The following LRRTM4 variants were observed in gnomAD, a reference collection of about 807,000 sequenced individuals.
LRRTM4 encodes leucine rich repeat transmembrane neuronal 4.
Under a neutral mutation model 47.6 loss-of-function variants are expected in LRRTM4, and 25 were observed. The observed-to-expected ratio is 0.53, with a 90% CI of 0.38 to 0.73. LRRTM4 has a LOEUF of 0.73. LRRTM4 is among the 30% of genes least tolerant of loss of function. The pLI, the probability that LRRTM4 is intolerant of heterozygous loss-of-function variation, is 0.00. For synonymous variants in LRRTM4, 311 were observed against 269.5 expected, an observed-to-expected ratio of 1.15 and a Z score of -1.51; for missense variants, 638 against 713.4, an observed-to-expected ratio of 0.89 and a Z score of 1.20.
intron 3 of LRRTM4, among the ~76,000 whole-genome samples, chr2:77,158,624 T>A (rs1211340368): frequency 6.6e-6 from 1 of 152,124 alleles, no homozygotes; most frequent in Non-Finnish European, 1.5e-5. Context: ...TATAGTCTGA[T>A]AAATTTTGCT....
chr2:77,108,737 C>T (rs532821351), intron 3 of LRRTM4, among the ~76,000 whole-genome samples: 21 of 151,792 alleles, frequency 1.4e-4, no homozygotes, highest in Non-Finnish European at 2.8e-4. Flanking sequence ...GCGCCCGCCA[C>T]CACGCCCGGC....
At chr2:77,131,028 G>T (rs1267589200) in intron 3 of LRRTM4, among the ~76,000 whole-genome samples, 14 of 145,870 alleles carry the variant, frequency 9.6e-5, no homozygotes, top group Non-Finnish European at 1.2e-4. Context: ...TAGAGACGGG[G>T]TTTCACCGTT....
intron 3 of LRRTM4, among the ~76,000 whole-genome samples, chr2:77,082,478 TCTG>T (rs542939149): frequency 9.2e-5 from 14 of 152,226 alleles, no homozygotes; most frequent in African/African-American, 2.6e-4. Context: ...TTGTACAACT[TCTG>T]CTGTTGAGGA....
intron 3 of LRRTM4, among the ~76,000 whole-genome samples, chr2:77,489,842 G>C (rs1678068324): frequency 6.6e-6 from 1 of 152,220 alleles, no homozygotes; most frequent in African/African-American, 2.4e-5. Flanking sequence ...GGAGAACTTT[G>C]TGTCTAAAAG....
chr2:76,806,742 T>C (rs891412031), intron 3 of LRRTM4, among the ~76,000 whole-genome samples: 1 of 152,090 alleles, frequency 6.6e-6, no homozygotes, highest in African/African-American at 2.4e-5. Flanking sequence ...TGATAAGATA[T>C]TGTAAAAATT....
chr2:76,941,482 A>C (rs997808037), intron 3 of LRRTM4, among the ~76,000 whole-genome samples: 12 of 150,284 alleles, frequency 8.0e-5, no homozygotes, highest in Admixed American at 4.0e-4. Context: ...ATCCCCCAAC[A>C]ACCCCCAGTA....
intron 3 of LRRTM4, among the ~76,000 whole-genome samples, chr2:76,956,257 C>A (rs963177473): frequency 6.6e-6 from 1 of 151,400 alleles, no homozygotes; most frequent in African/African-American, 2.4e-5. Context: ...CTTCTCTGAC[C>A]ACAGTGGAAG....
chr2:77,007,976 T>C (rs1359459980), intron 3 of LRRTM4, among the ~76,000 whole-genome samples: 1 of 152,210 alleles, frequency 6.6e-6, no homozygotes, highest in Admixed American at 6.5e-5. Flanking sequence ...ACACTTTTAC[T>C]GTGTTCCAGA....
At chr2:77,242,533 T>C (rs1675298472) in intron 3 of LRRTM4, among the ~76,000 whole-genome samples, 1 of 151,968 alleles carries the variant, frequency 6.6e-6, no homozygotes, top group Admixed American at 6.6e-5. Context: ...CTAAAATACA[T>C]ACAAATGACC....
At chr2:77,281,652 T>TA (rs1414551318) in intron 3 of LRRTM4, among the ~76,000 whole-genome samples, 1 of 151,354 alleles carries the variant, frequency 6.6e-6, no homozygotes, top group East Asian at 1.9e-4. Flanking sequence ...TTCTCAGTAT[T>TA]AAAAAAAATG....
At chr2:76,951,325 G>T (rs1675485514) in intron 3 of LRRTM4, among the ~76,000 whole-genome samples, 1 of 151,902 alleles carries the variant, frequency 6.6e-6, no homozygotes, top group African/African-American at 2.4e-5. Flanking sequence ...TATTCTTAAG[G>T]ATGGCTTCTC....
intron 3 of LRRTM4, among the ~76,000 whole-genome samples, chr2:77,056,397 T>A (rs1679610745): frequency 6.6e-6 from 1 of 152,062 alleles, no homozygotes; most frequent in Admixed American, 6.6e-5. Context: ...AATGAAATAA[T>A]CATAATGTGA....
chr2:77,255,979 AT>A (rs1675753802), intron 3 of LRRTM4, among the ~76,000 whole-genome samples: 1 of 152,088 alleles, frequency 6.6e-6, no homozygotes, highest in Admixed American at 6.6e-5. Flanking sequence ...ATGTAACAAA[AT>A]TTGGTTCTTT....
chr2:77,136,496 C>A (rs1343595907), intron 3 of LRRTM4, among the ~76,000 whole-genome samples: 2 of 152,090 alleles, frequency 1.3e-5, no homozygotes, highest in Admixed American at 6.6e-5. Flanking sequence ...TCATCAAAGA[C>A]CAAAGGTAGT....
chr2:76,784,967 A>G (rs1674594027), intron 3 of LRRTM4, among the ~76,000 whole-genome samples: 1 of 152,134 alleles, frequency 6.6e-6, no homozygotes, highest in African/African-American at 2.4e-5. Flanking sequence ...TTCAGAATGT[A>G]TCACACCAAT....
chr2:76,905,692 G>C (rs1359399019), intron 3 of LRRTM4, among the ~76,000 whole-genome samples: 1 of 147,316 alleles, frequency 6.8e-6, no homozygotes, highest in Non-Finnish European at 1.5e-5. Context: ...AGAACTACGT[G>C]AAGAATGCAG....
chr2:77,385,987 C>T (rs1573344854), intron 3 of LRRTM4, among the ~76,000 whole-genome samples: 1 of 151,674 alleles, frequency 6.6e-6, no homozygotes, highest in African/African-American at 2.4e-5. Context: ...GAAATCCTGA[C>T]CTCAGGTGAT....
intron 3 of LRRTM4, among the ~76,000 whole-genome samples, chr2:76,887,938 CACTTTGA>C (rs778348781): frequency 9.3e-4 from 140 of 150,758 alleles, no homozygotes; most frequent in Non-Finnish European, 1.2e-3. Flanking sequence ...AAAGTATATG[CACTTTGA>C]ACTGAATCTT....
At chr2:76,794,014 T>G (rs1675120624) in intron 3 of LRRTM4, among the ~76,000 whole-genome samples, 1 of 152,222 alleles carries the variant, frequency 6.6e-6, no homozygotes, top group Non-Finnish European at 1.5e-5. Flanking sequence ...TCTCTAATAG[T>G]AATCTGTATA....
Sources: gnomAD v4.1 joint callset for allele counts (sites outside exome capture counted in the v4.1 genomes callset) on GRCh38, gnomAD v4.1.1 for gene constraint, MANE v1.5 for transcripts, NCBI Gene and HGNC (gene_info 2026-07-23, HGNC 2026-07-21) for gene names.